CTNNA3: variants seen among roughly 807,000 people sequenced by gnomAD.
CTNNA3 encodes the protein catenin alpha-3.
Under a neutral mutation model 95.7 loss-of-function variants are expected in CTNNA3, and 76 were observed. The observed-to-expected ratio is 0.79, with a 90% CI of 0.66 to 0.96. The LOEUF is 0.96. Ranked by LOEUF, CTNNA3 falls within the 40% of genes least tolerant of loss-of-function variation. CTNNA3 has a pLI of 0.00. For synonymous variants in CTNNA3, 431 were observed against 374.4 expected (o/e 1.15, Z -1.74); for missense variants, 1,191 against 1,089.8 (o/e 1.09, Z -1.31).
At chr10:66,016,200 C>A (rs1040754631) in intron 15 of CTNNA3, among the ~76,000 whole-genome samples, 3 of 152,112 alleles carry the variant, frequency 2.0e-5, no homozygotes, top group African/African-American at 4.8e-5. Flanking sequence ...TATTTAATAG[C>A]TCATTTATTG....
At chr10:67,726,486 TCATATACAA>T (rs1841223641) in intron 1 of CTNNA3, among the ~76,000 whole-genome samples, 1 of 60,244 alleles carries the variant, frequency 1.7e-5, no homozygotes, top group Non-Finnish European at 2.7e-5. Context: ...ATATATTATA[TCATATACAA>T]TATATAATAT....
intron 15 of CTNNA3, among the ~76,000 whole-genome samples, chr10:66,039,702 T>C (rs1474639579): frequency 3.3e-5 from 5 of 152,096 alleles, no homozygotes; most frequent in African/African-American, 1.2e-4. Flanking sequence ...ACTGGACACC[T>C]TCCTTACACC....
intron 7 of CTNNA3, among the ~76,000 whole-genome samples, chr10:67,102,376 G>A (rs1858392664): frequency 6.6e-6 from 1 of 151,666 alleles, no homozygotes; most frequent in Non-Finnish European, 1.5e-5. Context: ...AAGTGGTGAT[G>A]AGTCTTTTTT....
intron 7 of CTNNA3, chr10:66,926,733 C>T (rs1847097014): frequency 2.8e-6 from 3 of 1,065,716 alleles, no homozygotes; most frequent in African/African-American, 1.6e-5. Context: ...GGCATGTTTC[C>T]TTGTTTAACT....
chr10:66,966,713 G>T (rs2132804810), intron 7 of CTNNA3, among the ~76,000 whole-genome samples: 1 of 152,062 alleles, frequency 6.6e-6, no homozygotes, highest in East Asian at 1.9e-4. Flanking sequence ...CACAAGTTTT[G>T]GGGTGATCAC....
chr10:67,727,065 T>C (rs1485670689), intron 1 of CTNNA3, among the ~76,000 whole-genome samples: 1 of 111,424 alleles, frequency 9.0e-6, no homozygotes, highest in African/African-American at 4.0e-5. Context: ...TAATTATATA[T>C]AATATATGAT....
chr10:66,709,821 A>C (rs999163320), intron 9 of CTNNA3, among the ~76,000 whole-genome samples: 1 of 152,132 alleles, frequency 6.6e-6, no homozygotes, highest in Non-Finnish European at 1.5e-5. Context: ...CAATACCAAC[A>C]AACATGGCTG....
At chr10:66,647,799 G>A (rs546024587) in intron 9 of CTNNA3, among the ~76,000 whole-genome samples, 23 of 152,052 alleles carry the variant, frequency 1.5e-4, no homozygotes, top group African/African-American at 3.1e-4. Flanking sequence ...GATTACAGGC[G>A]TGAGCCACCG....
At chr10:67,384,994 G>GA (rs1844095491) in intron 5 of CTNNA3, among the ~76,000 whole-genome samples, 1 of 151,628 alleles carries the variant, frequency 6.6e-6, no homozygotes, top group Non-Finnish European at 1.5e-5. Context: ...ATTTTGATAA[G>GA]AAAAAGTGGT....
chr10:67,716,664 T>A (rs1316865625), intron 1 of CTNNA3, among the ~76,000 whole-genome samples: 4 of 152,244 alleles, frequency 2.6e-5, no homozygotes, highest in Non-Finnish European at 5.9e-5. Flanking sequence ...TCCTTTTTTA[T>A]GGCTGCATAG....
intron 7 of CTNNA3, among the ~76,000 whole-genome samples, chr10:67,038,803 C>A (rs1417728470): frequency 6.6e-6 from 1 of 151,870 alleles, no homozygotes; most frequent in Non-Finnish European, 1.5e-5. Flanking sequence ...TTGTCTGATA[C>A]TTAAAATCTT....
chr10:66,051,786 C>A, intron 15 of CTNNA3, among the ~76,000 whole-genome samples: 1 of 152,082 alleles, frequency 6.6e-6, no homozygotes, highest in East Asian at 1.9e-4. Flanking sequence ...TGATAGAACC[C>A]TTTCCTAACA....
intron 13 of CTNNA3, among the ~76,000 whole-genome samples, chr10:66,252,789 A>T (rs117221602): frequency 0.013 from 1,953 of 152,312 alleles, 19 homozygotes; most frequent in Non-Finnish European, 0.019. Flanking sequence ...CCATCGGAGG[A>T]TGATGGCCAC....
At chr10:67,097,530 TC>T in intron 7 of CTNNA3, 3 of 1,479,164 alleles carry the variant, frequency 2.0e-6, no homozygotes, top group Non-Finnish European at 2.8e-6. Context: ...TCTAAATCTT[TC>T]CCCTAAAGTT....
At chr10:66,594,121 T>C (rs1843636969) in intron 10 of CTNNA3, among the ~76,000 whole-genome samples, 1 of 152,092 alleles carries the variant, frequency 6.6e-6, no homozygotes, top group African/African-American at 2.4e-5. Flanking sequence ...TGACATCTCC[T>C]CAAATCTTTC....
intron 7 of CTNNA3, among the ~76,000 whole-genome samples, chr10:67,059,347 A>G (rs1306072320): frequency 1.3e-5 from 2 of 152,202 alleles, no homozygotes; most frequent in African/African-American, 4.8e-5. Flanking sequence ...AAAAAGCAAA[A>G]TAATATTTTA....
At chr10:66,272,680 C>T (rs1013889877) in intron 13 of CTNNA3, among the ~76,000 whole-genome samples, 34 of 152,238 alleles carry the variant, frequency 2.2e-4, no homozygotes, top group Non-Finnish European at 4.1e-4. Flanking sequence ...CTGTCCTGTG[C>T]AAGCCAAGCC....
chr10:66,797,931 G>A (rs1266035352), intron 7 of CTNNA3, among the ~76,000 whole-genome samples: 2 of 151,690 alleles, frequency 1.3e-5, no homozygotes, highest in African/African-American at 4.8e-5. Flanking sequence ...ATAAACCAGG[G>A]ACTAAAGCCC....
intron 9 of CTNNA3, among the ~76,000 whole-genome samples, chr10:66,672,147 G>T (rs1846683921): frequency 6.6e-6 from 1 of 152,048 alleles, no homozygotes; most frequent in Non-Finnish European, 1.5e-5. Context: ...CCAGCAATTA[G>T]CTCTGTACTC....
Sources: allele counts gnomAD v4.1 joint callset (sites outside exome capture counted in the v4.1 genomes callset), GRCh38; gene constraint gnomAD v4.1.1; transcripts MANE v1.5; gene names NCBI Gene and HGNC (gene_info 2026-07-23, HGNC 2026-07-21).